Variants in ZFP41 observed in about 807,000 individuals in gnomAD.
ZFP41 encodes the protein ZFP41 zinc finger protein.
A neutral mutation model predicts 11.6 loss-of-function variants in ZFP41; 10 were observed. That is an observed-to-expected ratio of 0.86 (90% CI 0.53 to 1.47). The LOEUF is 1.47. Ranked by LOEUF, ZFP41 falls within the 40% of genes most tolerant of loss-of-function variation. The probability of loss-of-function intolerance (pLI) is 0.00; values close to 1 mark genes in which losing one functional copy is unlikely to be tolerated. For missense variants in ZFP41, 302 were observed against 264.6 expected, an observed-to-expected ratio of 1.14 and a Z score of -0.98; for synonymous variants, 123 against 100.9, an observed-to-expected ratio of 1.22 and a Z score of -1.31.
At position 143,250,933 on chromosome 8, in the gene ZFP41, G is replaced by A; in HGVS notation, c.*493G>A. The A allele has an allele frequency of 5.7e-6, 1 of 176,918 alleles. No homozygotes were observed. The highest frequency in any genetic ancestry group is 1.6e-4 in the South Asian group (1 of 6,152). 11.0% of individuals were successfully genotyped at this position (176,918 alleles called of 1,614,324 possible). ...GACTCTCTGCCCTCTGGGTCCCCGA[G>A]CTCTGCAGCGAGCCCTGGGACCACT... On this transcript the variant is annotated 3_prime_UTR_variant, in exon 2 of 3. Transcript: ENST00000330701.
Position 143,250,085 on chromosome 8 carries a change from T to C in ZFP41, c.242T>C (p.Phe81Ser), listed in dbSNP as rs1383580477. ...DFEGVPVFIP[F>S]QRKKPYECSE... ...GAGGGGGTTCCCGTGTTCATTCCTT[T>C]TCAGAGGAAGAAACCCTATGAGTGC... is the stretch of plus-strand genomic sequence containing the variant. The change falls in exon 2 of 3, where the codon TTT (phenylalanine) becomes TCT (serine). Residue 81 changes from phenylalanine (F) to serine (S), a missense_variant. Transcript: ENST00000330701. 6.2e-7 allele frequency: 1 copy of C among 1,614,078 alleles called. No individual in the cohort carries two copies. The highest frequency in any genetic ancestry group is 2.2e-5 in the East Asian group (1 of 44,886).
In ZFP41 at chr8:143,250,471, G is replaced by A. The variant is rs558243717; in HGVS notation, c.*31G>A. ...GGCCATCTGCGGACTCGGGCCCTGC[G>A]GTGCGAGCCTCGCCGGACACCTGCT... On this transcript the variant is annotated 3_prime_UTR_variant, in exon 2 of 3. Transcript: ENST00000330701. The A allele has an allele frequency of 3.1e-5, 49 of 1,592,342 alleles. No individual in the cohort carries two copies. Among genetic ancestry groups the A allele is most frequent in the African/African-American group, 1.1e-4 (8 of 74,464 alleles).
chr8:143,261,758 C>T lies in ZFP41; in HGVS notation c.*2884C>T. ...ACGCCTCTGAGCCGGCAGCCCCTAC[C>T]CGCACCCGTGCACCTTCCACGCCCG... is the stretch of plus-strand genomic sequence containing the variant. On this transcript the variant is annotated 3_prime_UTR_variant, in exon 3 of 3. Transcript: ENST00000330701. The T allele has an allele frequency of 5.1e-6, 1 of 196,884 alleles. No individual in the cohort carries two copies. Among genetic ancestry groups the T allele is most frequent in the South Asian group, 6.8e-5 (1 of 14,612 alleles). 12.2% of individuals were successfully genotyped at this position (196,884 alleles called of 1,614,324 possible). A position where few individuals can be genotyped will look rare whatever the true frequency, so the allele number is the denominator to read the frequency against.
intron 2 of ZFP41, among the ~76,000 whole-genome samples, chr8:143,257,763 C>T (rs1814946692): frequency 6.6e-6 from 1 of 152,232 alleles, no homozygotes; most frequent in Non-Finnish European, 1.5e-5. Flanking sequence ...GTTCGACCAT[C>T]AGGAGGAAAG....
At position 143,261,289 on chromosome 8, in the gene ZFP41, A is replaced by T. The variant is rs1238894129; in HGVS notation, c.*2415A>T. ...TTCTTTCCTGAGAATGAGCTGAGGT[A>T]AAAACATGCTGGGGAGGAAGATGGG... On this transcript the variant is annotated 3_prime_UTR_variant, in exon 3 of 3. Coordinates refer to ENST00000330701, the MANE Select transcript of ZFP41 (RefSeq NM_173832.6). 6.6e-6 allele frequency: 1 copy of T among 152,424 alleles called. No individual in the cohort carries two copies. Among genetic ancestry groups the T allele is most frequent in the Non-Finnish European group, 1.5e-5 (1 of 68,214 alleles). 9.4% of individuals were successfully genotyped at this position (152,424 alleles called of 1,614,324 possible). A position where few individuals can be genotyped will look rare whatever the true frequency, so the allele number is the denominator to read the frequency against.
intron 2 of ZFP41, among the ~76,000 whole-genome samples, chr8:143,254,903 G>A (rs1484311309): frequency 6.6e-6 from 1 of 152,200 alleles, no homozygotes; most frequent in African/African-American, 2.4e-5. Context: ...AGGCACAGGT[G>A]ACTTATCCAC....
At position 143,249,999 on chromosome 8, in the gene ZFP41, G is replaced by C; in HGVS notation, c.156G>C (p.Leu52=). The change falls in exon 2 of 3, where the codon CTG becomes CTC. Residue 52 remains leucine (L), a synonymous_variant. Transcript: ENST00000330701. The stretch of plus-strand genomic sequence containing the variant: ...GGAAGCCCCGCACAGAGCCCTGCCT[G>C]AGTCCTGAAGACGAAGAGCACGTCT... ...VPRKPRTEPC[L]SPEDEEHVFD... The C allele has an allele frequency of 6.2e-7, 1 of 1,614,174 alleles. No individual in the cohort carries two copies. The highest frequency in any genetic ancestry group is 8.5e-7 in the Non-Finnish European group (1 of 1,180,030).
At chr8:143,258,005 C>G (rs1814952286) in intron 2 of ZFP41, among the ~76,000 whole-genome samples, 1 of 152,160 alleles carries the variant, frequency 6.6e-6, no homozygotes. Flanking sequence ...CAGTGTCACT[C>G]ATACACATAT....
intron 2 of ZFP41, among the ~76,000 whole-genome samples, chr8:143,252,295 G>C (rs1246162199): frequency 5.3e-5 from 8 of 152,220 alleles, no homozygotes; most frequent in Non-Finnish European, 8.8e-5. Context: ...AGGGCTCTCT[G>C]AGGTCGGGTG....
chr8:143,254,182 C>T (rs948499142), intron 2 of ZFP41, among the ~76,000 whole-genome samples: 2 of 152,174 alleles, frequency 1.3e-5, no homozygotes, highest in African/African-American at 4.8e-5. Flanking sequence ...GTCTCTTGCT[C>T]CCTCCCTGCA....
intron 2 of ZFP41, among the ~76,000 whole-genome samples, chr8:143,252,298 G>T (rs1288780333): frequency 6.6e-6 from 1 of 152,226 alleles, no homozygotes; most frequent in East Asian, 1.9e-4. Context: ...GCTCTCTGAG[G>T]TCGGGTGACA....
chr8:143,255,966 T>G (rs112421314), intron 2 of ZFP41, among the ~76,000 whole-genome samples: 46 of 40,812 alleles, frequency 1.1e-3, no homozygotes, highest in Admixed American at 1.5e-3. Context: ...ATCAGGGCTC[T>G]CCCCGCGTGC....
intron 2 of ZFP41, among the ~76,000 whole-genome samples, chr8:143,254,237 G>A (rs528760907): frequency 6.6e-6 from 1 of 152,274 alleles, no homozygotes; most frequent in South Asian, 2.1e-4. Flanking sequence ...CTGCAGAACC[G>A]CCAGCCACGT....
At chr8:143,249,491 G>T (rs1816753336) in intron 1 of ZFP41, 199 bp from the exon 2 acceptor site, 2 of 202,654 alleles carry the variant, frequency 9.9e-6, no homozygotes, top group Admixed American at 5.2e-5. Context: ...GAGGAGCAAG[G>T]ATTCCTTGGT....
chr8:143,259,478 A>C (rs1381159316), intron 2 of ZFP41, among the ~76,000 whole-genome samples: 1 of 152,152 alleles, frequency 6.6e-6, no homozygotes, highest in Non-Finnish European at 1.5e-5. Flanking sequence ...CACTCAGCTT[A>C]CACATCTGAC....
chr8:143,247,461 A>G (rs1026754188), intron 1 of ZFP41: 39 of 152,416 alleles, frequency 2.6e-4, no homozygotes, highest in Admixed American at 7.2e-4. Context: ...GTTTTAGTGC[A>G]GATTGCCCCT....
rs1349735199 is a variant in ZFP41 at position 143,250,060 on chromosome 8, G to C, written c.217G>C (p.Glu73Gln). The change falls in exon 2 of 3, where the codon GAG becomes CAG. Residue 73 changes from glutamate to glutamine, a missense_variant. Transcript: ENST00000330701. ...CGACGCTTCATTTAAAGATGACTTT[G>C]AGGGGGTTCCCGTGTTCATTCCTTT... is the stretch of plus-strand genomic sequence containing the variant. ...AFDASFKDDFEGVPVFIPFQR... is the reference protein window; with the variant it reads ...AFDASFKDDFQGVPVFIPFQR... 3 of 1,614,064 alleles carry C rather than the reference G, an allele frequency of 1.9e-6. No homozygotes were observed. The African/African-American group carries it at 4.0e-5, about 22-fold the overall frequency.
chr8:143,251,918 A>G (rs1181768692), intron 2 of ZFP41, among the ~76,000 whole-genome samples: 1 of 152,170 alleles, frequency 6.6e-6, no homozygotes, highest in Admixed American at 6.5e-5. Context: ...TTCCACACGC[A>G]GAGTGTGTCT....
At chr8:143,247,612 AG>A (rs1816717624) in intron 1 of ZFP41, 1 of 152,250 alleles carries the variant, frequency 6.6e-6, no homozygotes, top group Admixed American at 6.5e-5. Context: ...TTACAAGTGA[AG>A]GGTCCTCCGC....
Sources: gnomAD v4.1 joint callset for allele counts (sites outside exome capture counted in the v4.1 genomes callset) on GRCh38, gnomAD v4.1.1 for gene constraint, MANE v1.5 for transcripts, NCBI Gene and HGNC (gene_info 2026-07-23, HGNC 2026-07-21) for gene names.